The following ANAPC5 variants were observed in gnomAD, a reference collection of about 807,000 sequenced individuals.
ANAPC5 encodes the protein anaphase promoting complex subunit 5.
Under a neutral mutation model 91.3 loss-of-function variants are expected in ANAPC5, and 60 were observed. The observed-to-expected ratio is 0.66, with a 90% CI of 0.53 to 0.81. The LOEUF (loss-of-function observed/expected upper bound fraction) is 0.81, where lower values mean the gene tolerates loss of function less well. Among genes scored for constraint, ANAPC5 ranks in the 40% least tolerant of loss-of-function variants. The pLI is 0.00. For synonymous variants in ANAPC5, 340 were observed against 364.1 expected (o/e 0.93, Z 0.75); for missense variants, 690 against 931.5 (o/e 0.74, Z 3.37).
At chr12:121,353,229 C>T (rs1028861797), upstream of ANAPC5, among the ~76,000 whole-genome samples, 1 of 152,170 alleles carries the variant, frequency 6.6e-6, no homozygotes, top group African/African-American at 2.4e-5. Flanking sequence ...TCAAAGCCCT[C>T]CAAAAGCAAT....
At chr12:121,343,359 A>C (rs754133481) in intron 4 of ANAPC5, among the ~76,000 whole-genome samples, 1 of 152,246 alleles carries the variant, frequency 6.6e-6, no homozygotes, top group Non-Finnish European at 1.5e-5. Context: ...TTCTAGGCAC[A>C]GTTCTGAATA....
chr12:121,327,364 GC>G, intron 10 of ANAPC5, 133 bp from the exon 11 acceptor site: 1 of 1,048,148 alleles, frequency 9.5e-7, no homozygotes, highest in Non-Finnish European at 1.3e-6. Context: ...GGGAGCAGAT[GC>G]CTCCCAGTGC....
chr12:121,310,861 G>A (rs958078834), intron 15 of ANAPC5, among the ~76,000 whole-genome samples: 4 of 149,306 alleles, frequency 2.7e-5, no homozygotes, highest in Admixed American at 6.8e-5. Flanking sequence ...TTGAACCCAG[G>A]AGGTAATGGA....
At chr12:121,348,264 A>G (rs78010053) in intron 1 of ANAPC5, among the ~76,000 whole-genome samples, 3,084 of 152,354 alleles carry the variant, frequency 0.02, 45 homozygotes, top group Middle Eastern at 0.034. Flanking sequence ...TGCTTTGTAA[A>G]CTGGAAAACA....
chr12:121,319,604 C>A (rs1055344488), intron 13 of ANAPC5, 93 bp downstream of exon 13: 16 of 1,341,010 alleles, frequency 1.2e-5, no homozygotes, highest in South Asian at 9.9e-5. Context: ...AAGTTTTTTT[C>A]TAAGCTAAAA....
At chr12:121,333,591 T>C (rs1338491187) in intron 7 of ANAPC5, 1 of 152,184 alleles carries the variant, frequency 6.6e-6, no homozygotes, top group Non-Finnish European at 1.5e-5. Context: ...CCTTAAATAT[T>C]TTTGGGTACA....
chr12:121,347,656 A>G (rs1334397292), intron 2 of ANAPC5, 146 bp downstream of exon 2: 1 of 636,672 alleles, frequency 1.6e-6, no homozygotes, highest in Admixed American at 3.0e-5. Context: ...CCATTTTTCA[A>G]CAAAACAGAA....
rs2136829381 is a variant in ANAPC5 at position 121,352,306 on chromosome 12, G to C, written c.35C>G (p.Pro12Arg). 1 of 1,611,528 alleles carries C rather than the reference G, an allele frequency of 6.2e-7. No homozygotes were observed. The highest frequency in any genetic ancestry group is 2.2e-5 in the East Asian group (1 of 44,784). ...ASVHESLYFN[P>R]MMTNGVVHAN... ...GTGCACAACCCCATTGGTCATCATG[G>C]GATTGAAGTAGAGGCTCTCGTGGAC... Residue 12 changes from proline to arginine, a missense_variant, in exon 1 of 17, where the codon CCC becomes CGC. Around this residue, in one of 5 missense-constraint regions of ANAPC5, gnomAD observed 238 missense variants for 264.9 expected, o/e 0.90. Coordinates refer to ENST00000261819, the MANE Select transcript of ANAPC5 (RefSeq NM_016237.5).
chr12:121,335,846 T>C (rs1347453300), intron 6 of ANAPC5, 123 bp from the exon 7 acceptor site: 3 of 757,852 alleles, frequency 4.0e-6, no homozygotes, highest in African/African-American at 1.8e-5. Flanking sequence ...AAGATGGTCA[T>C]AGTTTAGCTT....
chr12:121,309,976 C>T (rs1902091741), intron 15 of ANAPC5, 113 bp from the exon 16 acceptor site: 6 of 1,036,112 alleles, frequency 5.8e-6, no homozygotes, highest in Non-Finnish European at 8.2e-6. Flanking sequence ...TTACCTTTTA[C>T]CTGACATGTA....
intron 13 of ANAPC5, 84 bp from the exon 14 acceptor site, chr12:121,318,692 AC>A: frequency 8.2e-7 from 1 of 1,224,482 alleles, no homozygotes. Context: ...TGCGCTATAA[AC>A]CTCCCAAGGG....
intron 11 of ANAPC5, among the ~76,000 whole-genome samples, chr12:121,325,636 G>A (rs1902785265): frequency 6.6e-6 from 1 of 152,024 alleles, no homozygotes; most frequent in African/African-American, 2.4e-5. Context: ...GGAGGCTGAG[G>A]CAGGCGGATC....
chr12:121,351,660 C>T (rs1365824218), intron 1 of ANAPC5, among the ~76,000 whole-genome samples: 1 of 151,934 alleles, frequency 6.6e-6, no homozygotes, highest in Non-Finnish European at 1.5e-5. Context: ...GGTTTCACTA[C>T]GTTGGTCAGG....
chr12:121,319,939 T>G (rs551276951), intron 12 of ANAPC5, 121 bp from the exon 13 acceptor site: 3 of 1,022,682 alleles, frequency 2.9e-6, no homozygotes, highest in Non-Finnish European at 4.1e-6. Context: ...TATTCTTTTT[T>G]GGGGGGATTT....
intron 9 of ANAPC5, chr12:121,328,961 C>G (rs1555272578): frequency 6.5e-6 from 1 of 153,126 alleles, no homozygotes; most frequent in Non-Finnish European, 1.5e-5. Flanking sequence ...ACAAAATTAT[C>G]TTGTCATTAG....
chr12:121,317,625 C>T (rs1273789640), intron 15 of ANAPC5, among the ~76,000 whole-genome samples: 2 of 152,152 alleles, frequency 1.3e-5, no homozygotes, highest in African/African-American at 2.4e-5. Context: ...CTTAGCTCCA[C>T]CCCTAGAGAT....
In ANAPC5 at chr12:121,345,900, G is replaced by C; in HGVS notation, c.529C>G (p.Leu177Val). The C allele has an allele frequency of 1.2e-6, 2 of 1,614,150 alleles. No individual in the cohort carries two copies. Among genetic ancestry groups the C allele is most frequent in the Non-Finnish European group, 1.7e-6 (2 of 1,180,026 alleles). Residue 177 changes from leucine to valine, a missense_variant, in exon 4 of 17, where the codon CTG (leucine) becomes GTG (valine). By Grantham distance (32) the Leu-to-Val change is conservative (BLOSUM62 1). Coordinates refer to ENST00000261819, the MANE Select transcript of ANAPC5 (RefSeq NM_016237.5). Reference sequence around the variant, plus strand: ...CTTTCACCCTCATCTCTACTGGTCAGTTCCATATCAGCATCCTCCACTGTC... The same window carrying C: ...CTTTCACCCTCATCTCTACTGGTCACTTCCATATCAGCATCCTCCACTGTC... ...KKTVEDADME[L>V]TSRDEGERKM...
At chr12:121,337,860 G>A (rs1044818308) in intron 5 of ANAPC5, among the ~76,000 whole-genome samples, 3 of 152,084 alleles carry the variant, frequency 2.0e-5, no homozygotes, top group Admixed American at 6.6e-5. Context: ...GCTCCTTCCA[G>A]GCAGGTAATG....
chr12:121,326,668 C>G (rs1250012643), intron 11 of ANAPC5: 1 of 153,406 alleles, frequency 6.5e-6, no homozygotes, highest in East Asian at 1.9e-4. Flanking sequence ...AACAACAAAC[C>G]TGAGCCCATG....
Sources: allele counts gnomAD v4.1 joint callset (sites outside exome capture counted in the v4.1 genomes callset), GRCh38; gene constraint gnomAD v4.1.1; regional missense constraint gnomAD v4.1.1; transcripts MANE v1.5; gene names NCBI Gene and HGNC (gene_info 2026-07-23, HGNC 2026-07-21).